DCAF1: variants seen among roughly 807,000 people sequenced by gnomAD.
The protein encoded by DCAF1 is DDB1 and CUL4 associated factor 1.
Under a neutral mutation model 128.0 loss-of-function variants are expected in DCAF1, and 15 were observed. That is an observed-to-expected ratio of 0.12 (90% confidence interval 0.08 to 0.18). The LOEUF (loss-of-function observed/expected upper bound fraction) is 0.18. Ranked by LOEUF, DCAF1 falls within the 10% of genes least tolerant of loss-of-function variation. The pLI is 1.00. For missense variants in DCAF1, 988 were observed against 1,649.5 expected (o/e 0.60, Z 6.95); for synonymous variants, 610 against 603.0 (o/e 1.01, Z -0.17).
chr3:51,473,490 C>CAAAA (rs113483060), intron 3 of DCAF1, among the ~76,000 whole-genome samples: 1 of 22,828 alleles, frequency 4.4e-5, no homozygotes, highest in East Asian at 9.5e-4. Context: ...GACTCCATCT[C>CAAAA]AAAAAAAAAA....
At chr3:51,429,052 A>C (rs1408353925) in intron 12 of DCAF1, among the ~76,000 whole-genome samples, 4 of 152,204 alleles carry the variant, frequency 2.6e-5, no homozygotes, top group South Asian at 2.1e-4. Context: ...TTTTAGTTCT[A>C]GAATCCCAGC....
intron 23 of DCAF1, among the ~76,000 whole-genome samples, chr3:51,403,601 CCT>C (rs1346409389): frequency 2.0e-5 from 3 of 152,188 alleles, no homozygotes; most frequent in African/African-American, 7.2e-5. Flanking sequence ...TCAAAGCACC[CCT>C]CAGACAAGGA....
rs1197374302 is a variant in DCAF1, at chr3:51,398,103, CAG to C, written c.*664_*665del. On this transcript the variant is annotated 3_prime_UTR_variant, in exon 25 of 25. Transcript: ENST00000684031. ...TGAATTTAGGCATTTACCCAGCAGA[CAG>C]AGTGCCTTCCTCCCCACCTCTGGCA... The C allele has an allele frequency of 6.5e-6, 1 of 152,836 alleles. No individual in the cohort carries two copies. Among genetic ancestry groups the C allele is most frequent in the African/African-American group, 2.4e-5 (1 of 41,424 alleles). 9.5% of individuals were successfully genotyped at this position (152,836 alleles called of 1,614,324 possible). A position where few individuals can be genotyped will look rare whatever the true frequency, so the allele number is the denominator to read the frequency against.
At chr3:51,402,566 A>ATTT (rs540396047) in intron 24 of DCAF1, among the ~76,000 whole-genome samples, 66,642 of 85,158 alleles carry the variant, frequency 0.78, 28,302 homozygotes, top group Non-Finnish European at 0.87. Flanking sequence ...CCTACAAAGC[A>ATTT]TTTTTTTTTT....
At chr3:51,489,829 GTGTATA>G (rs139692356) in intron 2 of DCAF1, among the ~76,000 whole-genome samples, 1 of 38,410 alleles carries the variant, frequency 2.6e-5, no homozygotes, top group African/African-American at 2.2e-4. Flanking sequence ...GTGTGTGTGT[GTGTATA>G]TAGATAGATA....
downstream of DCAF1, chr3:51,396,273 C>A (rs1577024477): frequency 1.4e-5 from 3 of 212,594 alleles, no homozygotes; most frequent in South Asian, 5.8e-4. Context: ...CTTATCCAAC[C>A]CCTCTTCAGA....
chr3:51,446,963 A>AATAATAATAATAATAAT (rs1701913898), intron 6 of DCAF1, among the ~76,000 whole-genome samples: 4 of 136,990 alleles, frequency 2.9e-5, no homozygotes, highest in Non-Finnish European at 4.6e-5. Context: ...TTTGTCTCAA[A>AATAATAATAATAATAAT]AATAATAATA....
chr3:51,425,252 C>T (rs548166697), intron 13 of DCAF1, among the ~76,000 whole-genome samples: 2 of 152,186 alleles, frequency 1.3e-5, no homozygotes, highest in Admixed American at 1.3e-4. Context: ...AGGCAGATCA[C>T]TCAAGGCCAG....
At chr3:51,451,722 G>A (rs1011246991) in intron 6 of DCAF1, among the ~76,000 whole-genome samples, 7 of 149,928 alleles carry the variant, frequency 4.7e-5, no homozygotes, top group Admixed American at 1.3e-4. Flanking sequence ...AGATCATGCC[G>A]TTGCACTCCA....
At chr3:51,503,387 C>G (rs1202965270), upstream of DCAF1, among the ~76,000 whole-genome samples, 1 of 152,206 alleles carries the variant, frequency 6.6e-6, no homozygotes, top group African/African-American at 2.4e-5. Context: ...TCTCCTCCTT[C>G]TCCCGCTCCC....
intron 15 of DCAF1, 112 bp downstream of exon 15, chr3:51,419,620 TAC>T: frequency 6.8e-7 from 1 of 1,477,988 alleles, no homozygotes; most frequent in Non-Finnish European, 9.0e-7. Flanking sequence ...GTTCAAGTAT[TAC>T]ACAAAGTAAC....
At chr3:51,416,755 C>G in intron 18 of DCAF1, 32 bp downstream of exon 18, 1 of 1,588,076 alleles carries the variant, frequency 6.3e-7, no homozygotes, top group Non-Finnish European at 8.6e-7. Flanking sequence ...TGGGTATGAT[C>G]AGCTTGAAAA....
In DCAF1 at chr3:51,441,471, T is replaced by C; in HGVS notation, c.940A>G (p.Thr314Ala). The change falls in exon 8 of 25, where the codon ACC (threonine) becomes GCC (alanine). Residue 314 changes from threonine to alanine, a missense_variant. Around this residue, in one of 11 missense-constraint regions of DCAF1, gnomAD observed 19 missense variants for 61.4 expected, o/e 0.31. Transcript: ENST00000684031. ...WSEMSPWVIG[T>A]NYTLYPMTPA... Reference sequence around the variant, plus strand: ...GTCATAGGATAAAGGGTATAATTGGTGCCAATCACCCAGGGAGACATTTCT... The same window carrying C: ...GTCATAGGATAAAGGGTATAATTGGCGCCAATCACCCAGGGAGACATTTCT... 3 of 1,613,986 alleles carry C rather than the reference T, an allele frequency of 1.9e-6. No individual in the cohort carries two copies. Among genetic ancestry groups the C allele is most frequent in the Non-Finnish European group, 2.5e-6 (3 of 1,179,900 alleles).
At chr3:51,501,979 A>G (rs1165666373), upstream of DCAF1, among the ~76,000 whole-genome samples, 1 of 152,176 alleles carries the variant, frequency 6.6e-6, no homozygotes, top group Non-Finnish European at 1.5e-5. Context: ...GAGGTAGAAC[A>G]AGGAATGGAA....
chr3:51,401,975 C>T (rs944935375), intron 24 of DCAF1, among the ~76,000 whole-genome samples: 2 of 152,046 alleles, frequency 1.3e-5, no homozygotes, highest in African/African-American at 4.8e-5. Context: ...CTCCCACCCT[C>T]AAGCTTCCTC....
At chr3:51,464,944 C>T (rs1703982842) in intron 5 of DCAF1, among the ~76,000 whole-genome samples, 1 of 152,024 alleles carries the variant, frequency 6.6e-6, no homozygotes, top group South Asian at 2.1e-4. Flanking sequence ...GGTTTTTACA[C>T]CAAACTAAGA....
intron 7 of DCAF1, among the ~76,000 whole-genome samples, chr3:51,443,463 A>AC (rs1327673326): frequency 1.3e-5 from 2 of 151,682 alleles, no homozygotes; most frequent in Non-Finnish European, 2.9e-5. Context: ...AGTAGTGGGA[A>AC]CCTGTAACCC....
At chr3:51,436,969 A>G (rs1325831430) in intron 9 of DCAF1, among the ~76,000 whole-genome samples, 1 of 152,158 alleles carries the variant, frequency 6.6e-6, no homozygotes, top group East Asian at 1.9e-4. Flanking sequence ...GTGTCTTTTA[A>G]AAAAAAGAGA....
At chr3:51,479,633 A>C (rs1010762442) in intron 3 of DCAF1, among the ~76,000 whole-genome samples, 1 of 151,890 alleles carries the variant, frequency 6.6e-6, no homozygotes, top group Non-Finnish European at 1.5e-5. Context: ...ATCTCTACTA[A>C]AAAATATAAA....
Sources: allele counts gnomAD v4.1 joint callset (sites outside exome capture counted in the v4.1 genomes callset), GRCh38; gene constraint gnomAD v4.1.1; regional missense constraint gnomAD v4.1.1; transcripts MANE v1.5; gene names NCBI Gene and HGNC (gene_info 2026-07-23, HGNC 2026-07-21).